GMPR: variants seen among roughly 807,000 people sequenced by gnomAD.
GMPR encodes the protein GMP reductase 1.
GMPR carries 31 observed loss-of-function variants against 38.4 expected under a neutral mutation model. The observed-to-expected ratio is 0.81, with a 90% CI of 0.61 to 1.09. The LOEUF is 1.09. GMPR is among the 50% of genes least tolerant of loss of function. The pLI is 0.00. For missense variants in GMPR, 468 were observed against 453.7 expected (o/e 1.03, Z -0.29); for synonymous variants, 162 against 173.3 (o/e 0.93, Z 0.51).
At chr6:16,283,005 C>T (rs1759605838) in intron 6 of GMPR, among the ~76,000 whole-genome samples, 2 of 151,950 alleles carry the variant, frequency 1.3e-5, no homozygotes, top group Non-Finnish European at 2.9e-5. Context: ...GACAGGGTTT[C>T]ACCATGTTCG....
intron 1 of GMPR, among the ~76,000 whole-genome samples, chr6:16,240,198 T>A (rs576475731): frequency 1.3e-5 from 2 of 152,234 alleles, no homozygotes; most frequent in Non-Finnish European, 2.9e-5. Context: ...ATATACCTAT[T>A]TTCTGAACCA....
At chr6:16,246,647 T>G (rs769886147) in intron 1 of GMPR, among the ~76,000 whole-genome samples, 195 bp from the exon 2 acceptor site, 3 of 152,114 alleles carry the variant, frequency 2.0e-5, no homozygotes, top group Non-Finnish European at 4.4e-5. Flanking sequence ...GGAGAGAGCT[T>G]CCGATTCCGA....
intron 4 of GMPR, among the ~76,000 whole-genome samples, chr6:16,273,151 T>C (rs1002594855): frequency 6.6e-6 from 1 of 152,226 alleles, no homozygotes; most frequent in Non-Finnish European, 1.5e-5. Flanking sequence ...GGATTAAAGC[T>C]TTAAGCCCTC....
intron 7 of GMPR, among the ~76,000 whole-genome samples, chr6:16,287,646 G>A (rs1048619600): frequency 6.6e-6 from 1 of 152,190 alleles, no homozygotes; most frequent in Non-Finnish European, 1.5e-5. Context: ...TGCAGCTGCC[G>A]CAGAGGTGCT....
intron 7 of GMPR, among the ~76,000 whole-genome samples, chr6:16,287,142 G>A (rs1759700784): frequency 6.6e-6 from 1 of 152,186 alleles, no homozygotes; most frequent in Admixed American, 6.5e-5. Flanking sequence ...GGCTGTAGGA[G>A]GGAATGACAA....
chr6:16,273,741 C>A (rs554962487), intron 4 of GMPR, among the ~76,000 whole-genome samples: 17 of 152,078 alleles, frequency 1.1e-4, no homozygotes, highest in Admixed American at 5.2e-4. Flanking sequence ...ATTTTTTTGC[C>A]CAACACTAAA....
At chr6:16,273,371 C>G (rs186995925) in intron 4 of GMPR, among the ~76,000 whole-genome samples, 1 of 152,308 alleles carries the variant, frequency 6.6e-6, no homozygotes, top group African/African-American at 2.4e-5. Context: ...GCCAAGTATC[C>G]TATATACTGG....
At chr6:16,274,613 A>T in intron 5 of GMPR, 117 bp downstream of exon 5, 1 of 643,532 alleles carries the variant, frequency 1.6e-6, no homozygotes, top group Non-Finnish European at 2.8e-6. Context: ...CAGATATTTA[A>T]AGCATGCTTT....
chr6:16,294,446 C>CG (rs1237119085), intron 8 of GMPR, among the ~76,000 whole-genome samples: 1 of 152,216 alleles, frequency 6.6e-6, no homozygotes, highest in Non-Finnish European at 1.5e-5. Context: ...ATGTCCTCCT[C>CG]GTCCTGGTCG....
intron 8 of GMPR, among the ~76,000 whole-genome samples, chr6:16,293,058 C>G (rs182599871): frequency 6.6e-6 from 1 of 152,192 alleles, no homozygotes; most frequent in Non-Finnish European, 1.5e-5. Flanking sequence ...AGCCCGTGAC[C>G]ATGATCTTGT....
intron 4 of GMPR, among the ~76,000 whole-genome samples, chr6:16,268,129 T>A: frequency 6.6e-6 from 1 of 152,218 alleles, no homozygotes. Flanking sequence ...CCGTGTTCCC[T>A]GGATTTTCTG....
intron 4 of GMPR, 97 bp downstream of exon 4, chr6:16,254,832 C>T: frequency 1.3e-6 from 1 of 774,812 alleles, no homozygotes. Flanking sequence ...CTCTTCAGAG[C>T]TTTTGGTGCC....
chr6:16,264,933 G>A (rs1237310297), intron 4 of GMPR, among the ~76,000 whole-genome samples: 1 of 152,214 alleles, frequency 6.6e-6, no homozygotes, highest in African/African-American at 2.4e-5. Context: ...AGGGGTAGGA[G>A]AACAGGGATT....
intron 4 of GMPR, chr6:16,263,310 G>C (rs1050658983): frequency 5.3e-5 from 8 of 151,888 alleles, no homozygotes; most frequent in Non-Finnish European, 7.4e-5. Flanking sequence ...GCCATTTTCC[G>C]GCTATTTGGA....
intron 3 of GMPR, among the ~76,000 whole-genome samples, chr6:16,253,091 G>C (rs777229662): frequency 1.5e-4 from 23 of 152,242 alleles, no homozygotes; most frequent in Non-Finnish European, 2.6e-4. Flanking sequence ...AGAAGGGAGA[G>C]GTGTGAGGTT....
chr6:16,258,077 C>G (rs1484649472), intron 4 of GMPR: 1 of 152,172 alleles, frequency 6.6e-6, no homozygotes, highest in East Asian at 1.9e-4. Flanking sequence ...AGATGGGATG[C>G]TGTTTTGTAA....
intron 7 of GMPR, among the ~76,000 whole-genome samples, chr6:16,289,254 C>A (rs544889285): frequency 4.6e-5 from 7 of 152,308 alleles, no homozygotes; most frequent in Admixed American, 3.3e-4. Flanking sequence ...GTTACACTCA[C>A]AGTGAGAGTC....
intron 6 of GMPR, among the ~76,000 whole-genome samples, chr6:16,284,328 T>C (rs911458351): frequency 5.9e-5 from 9 of 152,196 alleles, no homozygotes; most frequent in South Asian, 2.1e-4. Flanking sequence ...TGTTCTCAGT[T>C]TGAGATGTTC....
Position 16,264,432 on chromosome 6 carries a change from G to GGATT in GMPR, c.465+9701_465+9704dup, listed in dbSNP as rs1222313172. ...CTTTCGCAAAGAGCAGGAGGACAGGGGATTGATCTCCCAAGGGAGGTCCCC... is the reference window on the plus strand; with the variant it reads ...CTTTCGCAAAGAGCAGGAGGACAGGGGATTGATTGATCTCCCAAGGGAGGTCCCC... On this transcript the variant is annotated intron_variant, in intron 4 of 8. Transcript: ENST00000259727. 3 of 200,506 alleles carry GGATT rather than the reference G, an allele frequency of 1.5e-5. No homozygotes were observed. In the East Asian group the frequency reaches 4.9e-4, roughly 33 times the overall value. The allele number at this position is 200,506 out of a possible 1,614,324, so 12.4% of individuals were successfully genotyped here.
Sources: gnomAD v4.1 joint callset for allele counts (sites outside exome capture counted in the v4.1 genomes callset) on GRCh38, gnomAD v4.1.1 for gene constraint, MANE v1.5 for transcripts, NCBI Gene and HGNC (gene_info 2026-07-23, HGNC 2026-07-21) for gene names.